Variants in PPA2 observed in about 807,000 individuals in gnomAD.
PPA2 encodes inorganic pyrophosphatase 2.
Under a neutral mutation model 49.5 loss-of-function variants are expected in PPA2, and 48 were observed. The observed-to-expected ratio is 0.97, with a 90% confidence interval of 0.77 to 1.23. The LOEUF (loss-of-function observed/expected upper bound fraction) is 1.23, where lower values mean the gene tolerates loss of function less well. Among genes scored for constraint, PPA2 ranks in the 50% most tolerant of loss-of-function variants. The pLI is 0.00. For missense variants in PPA2, 429 were observed against 410.1 expected (o/e 1.05, Z -0.40); for synonymous variants, 131 against 139.9 (o/e 0.94, Z 0.45).
intron 1 of PPA2, among the ~76,000 whole-genome samples, chr4:105,467,923 T>C (rs1175180844): frequency 6.6e-6 from 1 of 152,126 alleles, no homozygotes; most frequent in East Asian, 1.9e-4. Flanking sequence ...GAAAGCTGGA[T>C]GTGTAAATTC....
At chr4:105,382,578 C>A (rs905143719) in intron 10 of PPA2, among the ~76,000 whole-genome samples, 7 of 152,178 alleles carry the variant, frequency 4.6e-5, no homozygotes, top group African/African-American at 1.7e-4. Context: ...TCTATAAATT[C>A]TCTAAGCCTT....
At chr4:105,402,224 T>C (rs370557939) in intron 7 of PPA2, among the ~76,000 whole-genome samples, 1 of 151,154 alleles carries the variant, frequency 6.6e-6, no homozygotes, top group African/African-American at 2.4e-5. Context: ...CTGGGCAACA[T>C]AGTGAGACCC....
chr4:105,420,969 T>A (rs185938832), intron 7 of PPA2, among the ~76,000 whole-genome samples: 18 of 152,332 alleles, frequency 1.2e-4, no homozygotes, highest in Admixed American at 5.2e-4. Flanking sequence ...AAAACAATTA[T>A]ACTTAACATA....
At chr4:105,464,397 C>A (rs1358160891) in intron 1 of PPA2, among the ~76,000 whole-genome samples, 6 of 152,184 alleles carry the variant, frequency 3.9e-5, no homozygotes, top group African/African-American at 1.4e-4. Flanking sequence ...TTTACAGGCT[C>A]ATAGGTAGAA....
At chr4:105,419,328 C>A (rs985926842) in intron 7 of PPA2, among the ~76,000 whole-genome samples, 2 of 152,110 alleles carry the variant, frequency 1.3e-5, no homozygotes, top group African/African-American at 4.8e-5. Flanking sequence ...CCACAACAGG[C>A]CCCGGTGTGT....
At chr4:105,425,590 C>T (rs1376898936) in intron 6 of PPA2, among the ~76,000 whole-genome samples, 1 of 151,832 alleles carries the variant, frequency 6.6e-6, no homozygotes, top group African/African-American at 2.4e-5. Context: ...ATTCAGCATT[C>T]TATCTCATGT....
At chr4:105,410,583 G>A (rs56397029) in intron 7 of PPA2, among the ~76,000 whole-genome samples, 2 of 152,090 alleles carry the variant, frequency 1.3e-5, no homozygotes, top group African/African-American at 2.4e-5. Flanking sequence ...GATACTCCTT[G>A]AGAAGAGTAA....
chr4:105,434,968 A>C (rs1040033106), intron 6 of PPA2, among the ~76,000 whole-genome samples: 1 of 152,246 alleles, frequency 6.6e-6, no homozygotes, highest in Non-Finnish European at 1.5e-5. Context: ...AATCAATTCA[A>C]CAAATCTGTG....
chr4:105,444,120 A>G (rs1402648663), intron 5 of PPA2, among the ~76,000 whole-genome samples: 1 of 152,198 alleles, frequency 6.6e-6, no homozygotes, highest in South Asian at 2.1e-4. Flanking sequence ...TGCAGTACTT[A>G]CAAGAACACC....
At chr4:105,444,251 G>T (rs1251037121) in intron 5 of PPA2, among the ~76,000 whole-genome samples, 1 of 152,168 alleles carries the variant, frequency 6.6e-6, no homozygotes, top group South Asian at 2.1e-4. Context: ...GTGGATAGAC[G>T]TGAGAAAGGG....
intron 7 of PPA2, 58 bp from the exon 8 acceptor site, chr4:105,399,222 T>C: frequency 6.6e-7 from 1 of 1,523,498 alleles, no homozygotes; most frequent in Non-Finnish European, 8.8e-7. Context: ...TTCCCTTTAG[T>C]GGCAGAGCAT....
chr4:105,447,482 T>C (rs1346559990), intron 4 of PPA2, among the ~76,000 whole-genome samples: 1 of 152,200 alleles, frequency 6.6e-6, no homozygotes, highest in Non-Finnish European at 1.5e-5. Context: ...TTGATGAGTA[T>C]AGTTAATAAC....
intron 9 of PPA2, 76 bp downstream of exon 9, chr4:105,396,173 C>A (rs1198780591): frequency 4.2e-6 from 4 of 953,456 alleles, no homozygotes; most frequent in South Asian, 2.0e-5. Flanking sequence ...ATGCAAAAAT[C>A]TGAAATCTGA....
At position 105,473,971 on chromosome 4, in the gene PPA2, C is replaced by A. The variant is rs756694112; in HGVS notation, c.80G>T (p.Gly27Val). ...GTACAGGGCCATAGCACGGCGCGAC[C>A]CGGTCCCTGCACTGGTCCCCAACCG... ...CLRLGTSAGT[G>V]SRRAMALYHT... is the part of the protein sequence containing the mutation. The change falls in exon 1 of 12, where the codon GGG (glycine) becomes GTG (valine). Residue 27 changes from glycine (G) to valine (V), a missense_variant. By Grantham distance (109) the Gly-to-Val change is moderately radical. Coordinates refer to ENST00000341695, the MANE Select transcript of PPA2 (RefSeq NM_176869.3). 5.0e-6 allele frequency: 8 copies of A among 1,611,276 alleles called. No homozygotes were observed. In the East Asian group the frequency reaches 1.8e-4, roughly 36 times the overall value.
intron 11 of PPA2, chr4:105,370,430 ATATT>A (rs1732976132): frequency 4.5e-6 from 1 of 224,328 alleles, no homozygotes; most frequent in Admixed American, 6.6e-5. Flanking sequence ...TAAAAATATT[ATATT>A]TATTTTTAAT....
At chr4:105,456,798 T>C in intron 1 of PPA2, 53 bp from the exon 2 acceptor site, 4 of 1,382,318 alleles carry the variant, frequency 2.9e-6, no homozygotes, top group Non-Finnish European at 4.0e-6. Flanking sequence ...ATAGACACAT[T>C]GTTCTATACA....
intron 6 of PPA2, among the ~76,000 whole-genome samples, chr4:105,427,357 T>C (rs542170147): frequency 9.9e-5 from 15 of 152,050 alleles, no homozygotes; most frequent in Admixed American, 3.3e-4. Context: ...CTTTGATGAG[T>C]TGACAAAAGT....
intron 3 of PPA2, among the ~76,000 whole-genome samples, 159 bp from the exon 4 acceptor site, chr4:105,449,562 T>G (rs1722581099): frequency 6.6e-6 from 1 of 152,150 alleles, no homozygotes; most frequent in Non-Finnish European, 1.5e-5. Flanking sequence ...TTTCTAGAAA[T>G]TAGAGTTGTC....
chr4:105,398,958 CA>C, intron 8 of PPA2, 78 bp downstream of exon 8: 1 of 1,481,192 alleles, frequency 6.8e-7, no homozygotes, highest in Non-Finnish European at 9.1e-7. Context: ...TACATATTCA[CA>C]TAAGAAACTT....
Sources: allele counts gnomAD v4.1 joint callset (sites outside exome capture counted in the v4.1 genomes callset), GRCh38; gene constraint gnomAD v4.1.1; transcripts MANE v1.5; gene names NCBI Gene and HGNC (gene_info 2026-07-23, HGNC 2026-07-21).